The following LAMA4 variants were observed in gnomAD, a reference collection of about 807,000 sequenced individuals.
LAMA4 encodes the protein laminin subunit alpha 4.
Under a neutral mutation model 207.1 loss-of-function variants are expected in LAMA4, and 127 were observed. The ratio of observed to expected loss-of-function variants is 0.61; its 90% CI spans 0.53 to 0.71. The LOEUF (loss-of-function observed/expected upper bound fraction) is 0.71. LAMA4 is among the 30% of genes least tolerant of loss of function. LAMA4 has a pLI of 0.00. For missense variants in LAMA4, 2,093 were observed against 2,246.5 expected, an observed-to-expected ratio of 0.93 and a Z score of 1.38; for synonymous variants, 761 against 816.0, an observed-to-expected ratio of 0.93 and a Z score of 1.15.
Position 112,120,348 on chromosome 6 carries a change from T to C in LAMA4, c.4600A>G (p.Asn1534Asp). ...LAHGRLVYMF[N>D]VGHKKLKIRS... is the part of the protein sequence containing the mutation. ...ATCTTCAGTTTTTTGTGACCAACAT[T>C]AAACATGTAAACCAAGCGGCCATGG... Residue 1534 changes from asparagine (N) to aspartate (D), a missense_variant, in exon 33 of 39, where the codon AAT becomes GAT. By Grantham distance (23) the Asn-to-Asp change is conservative. Coordinates refer to ENST00000230538, the MANE Select transcript of LAMA4 (RefSeq NM_001105206.3). The C allele has an allele frequency of 6.2e-7, 1 of 1,614,036 alleles. No individual in the cohort carries two copies. The highest frequency in any genetic ancestry group is 1.7e-4 in the Middle Eastern group (1 of 6,060).
rs1237487328 is a variant in LAMA4 at position 112,130,060 on chromosome 6, C to T, written c.3969-20G>A. On this transcript the variant is annotated intron_variant, in intron 29 of 38. Transcript: ENST00000230538. ...TCATATCTGCAAAAGAAAAAGGCTT[C>T]TTTACATACCACAGAGCTAGCATTT... 1.9e-6 allele frequency: 3 copies of T among 1,607,968 alleles called. No individual in the cohort carries two copies. Among genetic ancestry groups the T allele is most frequent in the African/African-American group, 2.7e-5 (2 of 74,738 alleles).
In LAMA4 at chr6:112,118,715, G is replaced by A. The variant is rs1223891886; in HGVS notation, c.4821+441C>T. On this transcript the variant is annotated intron_variant, in intron 34 of 38. Transcript: ENST00000230538. This position sits in a 1 kb window ranked among gnomAD's most constrained non-coding sequence, Gnocchi z 4.6. ...ATACATTTACAAATTGTGTGTGTGT[G>A]TGTGTATGTGTGTGTGTGTGTGTGT... 1.0e-5 allele frequency among the ~76,000 whole-genome samples: 1 copy of A among 98,574 alleles called. No homozygotes were observed. Among genetic ancestry groups the A allele is most frequent in the Admixed American group, 1.2e-4 (1 of 8,036 alleles). The allele number at this position is 98,574 out of a possible 152,430, so 64.7% of individuals were successfully genotyped here.
rs28470975 is a variant in LAMA4 at position 112,229,545 on chromosome 6, G to A, written c.196-13076C>T. Reference sequence around the variant, plus strand: ...AACTATTCTAAGCCTTCATTTAGTGGTGACAACAAAATTTCGCATGGTCTC... The same window carrying A: ...AACTATTCTAAGCCTTCATTTAGTGATGACAACAAAATTTCGCATGGTCTC... On this transcript the variant is annotated intron_variant, in intron 2 of 38. Coordinates refer to ENST00000230538, the MANE Select transcript of LAMA4 (RefSeq NM_001105206.3). Among the ~76,000 whole-genome samples the A allele has an allele frequency of 5.1e-3, 782 of 152,274 alleles. 5 individuals are homozygous for A. The highest frequency in any genetic ancestry group is 0.017 in the African/African-American group (717 of 41,564).
intron 14 of LAMA4, chr6:112,158,353 C>A: frequency 3.9e-6 from 1 of 253,462 alleles, no homozygotes; most frequent in Non-Finnish European, 7.7e-6. Context: ...AGAATTAGAC[C>A]TTCTAAAGGG....
At position 112,144,939 on chromosome 6, in the gene LAMA4, G is replaced by A. The variant is rs1779930664; in HGVS notation, c.2354-6C>T. On this transcript the variant is annotated splice_region_variant and splice_polypyrimidine_tract_variant and intron_variant, in intron 18 of 38. Coordinates refer to ENST00000230538, the MANE Select transcript of LAMA4 (RefSeq NM_001105206.3). The stretch of plus-strand genomic sequence containing the variant: ...AACCTCGGTCAGATTTCTTACTGCA[G>A]TTAATAAAAATTAATCATTTAAGAA... 3 of 1,611,114 alleles carry A rather than the reference G, an allele frequency of 1.9e-6. No homozygotes were observed. Among genetic ancestry groups the A allele is most frequent in the Non-Finnish European group, 2.5e-6 (3 of 1,178,190 alleles).
At chr6:112,218,730 G>A (rs534591668) in intron 2 of LAMA4, 1 of 152,256 alleles carries the variant, frequency 6.6e-6, no homozygotes, top group African/African-American at 2.4e-5. Context: ...ATGACCTTGG[G>A]TGAAGGATAA....
In LAMA4 at chr6:112,109,330, G is replaced by A. The variant is rs1583615360; in HGVS notation, c.*107C>T. The A allele has an allele frequency of 3.3e-6, 4 of 1,227,928 alleles. No individual in the cohort carries two copies. The African/African-American group carries it at 4.5e-5, about 14-fold the overall frequency. The allele number at this position is 1,227,928 out of a possible 1,614,324, so 76.1% of individuals were successfully genotyped here. The stretch of plus-strand genomic sequence containing the variant: ...GATTCGTTTAAGTCCTGTTCAACTC[G>A]ATGAAAGCTTCCACCCGAAGGAAGA... On this transcript the variant is annotated 3_prime_UTR_variant, in exon 39 of 39. Coordinates refer to ENST00000230538, the MANE Select transcript of LAMA4 (RefSeq NM_001105206.3).
intron 5 of LAMA4, among the ~76,000 whole-genome samples, chr6:112,200,638 C>T (rs1246324611): frequency 1.3e-5 from 2 of 152,120 alleles, no homozygotes; most frequent in African/African-American, 2.4e-5. Flanking sequence ...AACCCAAATG[C>T]CCATCAATGA....
chr6:112,239,246 A>G (rs1786181051), intron 2 of LAMA4, among the ~76,000 whole-genome samples: 1 of 150,814 alleles, frequency 6.6e-6, no homozygotes, highest in South Asian at 2.1e-4. Flanking sequence ...GCTTGAACCC[A>G]GAAGGTGGAG....
At position 112,118,721 on chromosome 6, in the gene LAMA4, A is replaced by ATGTG. The variant is rs4036073; in HGVS notation, c.4821+431_4821+434dup. ...TTACAAATTGTGTGTGTGTGTGTGT[A>ATGTG]TGTGTGTGTGTGTGTGTGTGTGTGT... On this transcript the variant is annotated intron_variant, in intron 34 of 38. Coordinates refer to ENST00000230538, the MANE Select transcript of LAMA4 (RefSeq NM_001105206.3). The surrounding 1 kb of genome is among the most constrained non-coding windows in gnomAD (Gnocchi z 4.6). Among the ~76,000 whole-genome samples, 6,930 of 148,388 alleles carry ATGTG rather than the reference A, an allele frequency of 0.047. 262 individuals carry two copies. The highest frequency in any genetic ancestry group is 0.096 in the African/African-American group (3,874 of 40,540).
chr6:112,119,011 G>GTACT, intron 34 of LAMA4, 145 bp downstream of exon 34: 1 of 796,762 alleles, frequency 1.3e-6, no homozygotes, highest in South Asian at 1.5e-5. Context: ...CCATAAGACA[G>GTACT]TACTTACTTT....
rs78649285 is a variant in LAMA4 at position 112,157,418 on chromosome 6, C to A, written c.1817+1314G>T. Among the ~76,000 whole-genome samples, 903 of 152,252 alleles carry A rather than the reference C, an allele frequency of 5.9e-3. 9 individuals carry two copies. Among genetic ancestry groups the A allele is most frequent in the African/African-American group, 0.021 (872 of 41,540 alleles). Reference sequence around the variant, plus strand: ...TGAATTTTGTTTATCTTTGTTCGAGCATAGCACGTAAATCATTGTGTACAC... The same window carrying A: ...TGAATTTTGTTTATCTTTGTTCGAGAATAGCACGTAAATCATTGTGTACAC... On this transcript the variant is annotated intron_variant, in intron 14 of 38. Transcript: ENST00000230538.
intron 5 of LAMA4, among the ~76,000 whole-genome samples, chr6:112,199,433 C>T (rs1310254069): frequency 1.3e-5 from 2 of 152,142 alleles, no homozygotes; most frequent in Non-Finnish European, 2.9e-5. Flanking sequence ...AAAACTCCAT[C>T]CTGGCTGATT....
At chr6:112,112,316 T>C (rs1554321830) in intron 38 of LAMA4, among the ~76,000 whole-genome samples, 1 of 152,138 alleles carries the variant, frequency 6.6e-6, no homozygotes, top group Non-Finnish European at 1.5e-5. Context: ...AGTTCCCTTA[T>C]GGAAAGGCCC....
intron 36 of LAMA4, among the ~76,000 whole-genome samples, 153 bp downstream of exon 36, chr6:112,115,710 A>C (rs1309734256): frequency 2.6e-5 from 4 of 152,214 alleles, no homozygotes; most frequent in African/African-American, 9.6e-5. Context: ...GCTGAATCCA[A>C]ATATTGCCCA....
intron 25 of LAMA4, among the ~76,000 whole-genome samples, chr6:112,134,920 ACAGG>A (rs1187462340): frequency 2.1e-4 from 23 of 107,350 alleles, no homozygotes; most frequent in Admixed American, 4.5e-4. Flanking sequence ...AGAACTATAA[ACAGG>A]TGCCACCATT....
intron 15 of LAMA4, 105 bp from the exon 16 acceptor site, chr6:112,155,052 A>G (rs2114777707): frequency 1.2e-6 from 1 of 800,516 alleles, no homozygotes; most frequent in African/African-American, 1.7e-5. Flanking sequence ...ACACCAAGCA[A>G]AATGCATTTA....
At chr6:112,122,803 A>G (rs781994568) in intron 31 of LAMA4, among the ~76,000 whole-genome samples, 5 of 152,230 alleles carry the variant, frequency 3.3e-5, no homozygotes, top group Non-Finnish European at 5.9e-5. Flanking sequence ...GCTAATATTT[A>G]ATTATTATTT....
rs1373616203 is a variant in LAMA4, at chr6:112,108,845, T to A, written c.*592A>T. ...TCCTGTGTTTCTTATTTAGAAAAAA[T>A]TAAATTATACTGCATTTTTCTAGTA... On this transcript the variant is annotated 3_prime_UTR_variant, in exon 39 of 39. Coordinates refer to ENST00000230538, the MANE Select transcript of LAMA4 (RefSeq NM_001105206.3). 1.3e-5 allele frequency: 2 copies of A among 152,412 alleles called. No individual in the cohort carries two copies. Among genetic ancestry groups the A allele is most frequent in the Non-Finnish European group, 2.9e-5 (2 of 68,218 alleles). The allele number at this position is 152,412 out of a possible 1,614,324, so 9.4% of individuals were successfully genotyped here.
Sources: gnomAD v4.1 joint callset for allele counts (sites outside exome capture counted in the v4.1 genomes callset) on GRCh38, gnomAD v4.1.1 for gene constraint, Gnocchi (gnomAD v3.1) non-coding constraint, MANE v1.5 for transcripts, NCBI Gene and HGNC (gene_info 2026-07-23, HGNC 2026-07-21) for gene names.